CCDC73: variants seen among roughly 807,000 people sequenced by gnomAD.
CCDC73 encodes coiled-coil domain containing 73.
In CCDC73, 95 loss-of-function variants were observed where a neutral mutation model predicts 116.5. The ratio of observed to expected loss-of-function variants is 0.82; its 90% confidence interval spans 0.69 to 0.97. The LOEUF (loss-of-function observed/expected upper bound fraction) is 0.97, where lower values mean the gene tolerates loss of function less well. CCDC73 is among the 50% of genes least tolerant of loss of function. CCDC73 has a pLI of 0.00. For synonymous variants in CCDC73, 398 were observed against 401.3 expected, an observed-to-expected ratio of 0.99 and a Z score of 0.10; for missense variants, 1,066 against 1,206.8, an observed-to-expected ratio of 0.88 and a Z score of 1.73.
chr11:32,665,987 C>CCGT (rs746772078), intron 9 of CCDC73, among the ~76,000 whole-genome samples: 3 of 152,156 alleles, frequency 2.0e-5, no homozygotes, highest in East Asian at 3.8e-4. Context: ...AATATATGGC[C>CCGT]CACACTCTCT....
At chr11:32,671,398 C>CAAAAA (rs58075036) in intron 9 of CCDC73, among the ~76,000 whole-genome samples, 1 of 122,418 alleles carries the variant, frequency 8.2e-6, no homozygotes, top group Non-Finnish European at 1.7e-5. Flanking sequence ...AACTTTGCTC[C>CAAAAA]AAAAAAAAAA....
the CCDC73 span, among the ~76,000 whole-genome samples, chr11:32,808,309 T>G: frequency 1.3e-5 from 2 of 152,156 alleles, no homozygotes; most frequent in Admixed American, 1.3e-4. Context: ...TAATTTAGCA[T>G]GAGTGGGGAG....
intron 14 of CCDC73, among the ~76,000 whole-genome samples, chr11:32,621,099 A>C (rs1006359180): frequency 9.2e-5 from 14 of 152,210 alleles, no homozygotes; most frequent in Admixed American, 3.3e-4. Flanking sequence ...CATACTGCCC[A>C]AAGTAATTTA....
At chr11:32,670,538 A>G (rs1856028936) in intron 9 of CCDC73, among the ~76,000 whole-genome samples, 1 of 143,330 alleles carries the variant, frequency 7.0e-6, no homozygotes. Flanking sequence ...AAAAAAAAAA[A>G]TTATTGATAG....
At chr11:32,713,016 G>C (rs904525406) in intron 3 of CCDC73, among the ~76,000 whole-genome samples, 3 of 151,914 alleles carry the variant, frequency 2.0e-5, no homozygotes, top group African/African-American at 7.2e-5. Context: ...TTAACAAAAA[G>C]CCTGGTATTG....
In CCDC73 at chr11:32,698,010, A is replaced by ATTTTTT. The variant is rs1849771437; in HGVS notation, c.390+1240_390+1241insAAAAAA. On this transcript the variant is annotated intron_variant, in intron 6 of 17. Transcript: ENST00000335185. Reference sequence around the variant, plus strand: ...TCTGTTGTTTCTTTGTCTAACACTGAATTTTTTTTTTTTTTTTTTTTTTTT... The same window carrying ATTTTTT: ...TCTGTTGTTTCTTTGTCTAACACTGATTTTTTATTTTTTTTTTTTTTTTTTTTTTTT... Among the ~76,000 whole-genome samples, 2 of 117,758 alleles carry ATTTTTT rather than the reference A, an allele frequency of 1.7e-5. 1 individual carries two copies. 77.3% of individuals were successfully genotyped at this position (117,758 alleles called of 152,430 possible). A position where few individuals can be genotyped will look rare whatever the true frequency, so the allele number is the denominator to read the frequency against.
the CCDC73 span, among the ~76,000 whole-genome samples, chr11:32,808,644 A>AG: frequency 0.018 from 2,728 of 150,456 alleles, 88 homozygotes; most frequent in African/African-American, 0.061. Flanking sequence ...GTCTCAAAGA[A>AG]AAAAAAAAAG....
intron 2 of CCDC73, among the ~76,000 whole-genome samples, chr11:32,758,068 C>T (rs1850358806): frequency 6.6e-6 from 1 of 152,140 alleles, no homozygotes; most frequent in African/African-American, 2.4e-5. Flanking sequence ...TCTAGGAATA[C>T]AGGTCAAGTA....
intron 1 of CCDC73, among the ~76,000 whole-genome samples, chr11:32,793,816 G>A (rs1850698272): frequency 1.3e-5 from 2 of 151,904 alleles, no homozygotes; most frequent in Admixed American, 6.6e-5. Context: ...TCACCATGTT[G>A]ACCAGGCTGG....
chr11:32,675,108 C>T (rs1590586723), intron 9 of CCDC73, among the ~76,000 whole-genome samples: 1 of 152,256 alleles, frequency 6.6e-6, no homozygotes, highest in African/African-American at 2.4e-5. Context: ...TTCTTCTGCT[C>T]ATTTATAATA....
intron 6 of CCDC73, among the ~76,000 whole-genome samples, chr11:32,698,007 CTGAA>C (rs1849771199): frequency 8.8e-6 from 1 of 113,694 alleles, no homozygotes; most frequent in Non-Finnish European, 1.7e-5. Context: ...TTGTCTAACA[CTGAA>C]TTTTTTTTTT....
intron 1 of CCDC73, among the ~76,000 whole-genome samples, chr11:32,767,176 G>A (rs1488624903): frequency 2.2e-4 from 34 of 152,128 alleles, no homozygotes; most frequent in African/African-American, 5.3e-4. Context: ...ACACATCTAC[G>A]ACCATCTGAT....
chr11:32,766,436 T>C (rs193204453), intron 1 of CCDC73, among the ~76,000 whole-genome samples: 3,666 of 152,218 alleles, frequency 0.024, 141 homozygotes, highest in African/African-American at 0.081. Flanking sequence ...CTATTCAACA[T>C]AGTGTTGGAA....
the CCDC73 span, among the ~76,000 whole-genome samples, chr11:32,829,362 T>G: frequency 5.3e-5 from 8 of 152,288 alleles, no homozygotes; most frequent in East Asian, 1.4e-3. Flanking sequence ...AAATGGCAAA[T>G]CATTTATTGT....
intron 2 of CCDC73, among the ~76,000 whole-genome samples, chr11:32,747,646 C>G (rs1850251845): frequency 6.6e-6 from 1 of 152,200 alleles, no homozygotes. Context: ...CTACTCAAGC[C>G]TCAGCAATGG....
intron 2 of CCDC73, among the ~76,000 whole-genome samples, chr11:32,744,085 G>A (rs191725568): frequency 9.9e-5 from 15 of 152,118 alleles, no homozygotes; most frequent in Admixed American, 5.2e-4. Context: ...ACGTTCCATC[G>A]ATACCTAGTT....
intron 2 of CCDC73, among the ~76,000 whole-genome samples, chr11:32,750,212 G>A (rs1850275644): frequency 6.6e-6 from 1 of 152,146 alleles, no homozygotes; most frequent in South Asian, 2.1e-4. Context: ...ATCTCTCTGT[G>A]CTGAGCTTCC....
rs145711648 is a variant in CCDC73 at position 32,630,433 on chromosome 11, T to G, written c.1185+5263A>C. On this transcript the variant is annotated intron_variant, in intron 14 of 17. Transcript: ENST00000335185. ...ATCTCAGCTCACTGCAACCTCCACC[T>G]CCTGGGTTCAAGTGATTCTCCTGCC... is the stretch of plus-strand genomic sequence containing the variant. Among the ~76,000 whole-genome samples the G allele has an allele frequency of 3.5e-3, 540 of 152,262 alleles. 6 individuals carry two copies. The highest frequency in any genetic ancestry group is 0.013 in the African/African-American group (521 of 41,558).
chr11:32,800,791 T>A, the CCDC73 span, among the ~76,000 whole-genome samples: 16 of 152,330 alleles, frequency 1.1e-4, no homozygotes, highest in African/African-American at 3.1e-4. Flanking sequence ...GTCTTAGGGT[T>A]CCTGCTTAAG....
Sources: allele counts gnomAD v4.1 joint callset (sites outside exome capture counted in the v4.1 genomes callset), GRCh38; gene constraint gnomAD v4.1.1; transcripts MANE v1.5; gene names NCBI Gene and HGNC (gene_info 2026-07-23, HGNC 2026-07-21).